Variants in ABCC6 observed in about 807,000 individuals in gnomAD.
ABCC6 encodes the protein ATP binding cassette subfamily C member 6, also known as ATP-binding cassette sub-family C member 6.
A neutral mutation model predicts 169.5 loss-of-function variants in ABCC6; 126 were observed. The observed-to-expected ratio is 0.74, with a 90% CI of 0.64 to 0.86. The LOEUF is 0.86. Ranked by LOEUF, ABCC6 falls within the 40% of genes least tolerant of loss-of-function variation. The pLI is 0.00. For synonymous variants in ABCC6, 752 were observed against 814.7 expected (o/e 0.92, Z 1.31); for missense variants, 1,733 against 1,927.2 (o/e 0.90, Z 1.89).
chr16:16,160,628 CAAAAAAAAAAAAAA>C (rs34511090), intron 25 of ABCC6, among the ~76,000 whole-genome samples: 5 of 76,382 alleles, frequency 6.5e-5, no homozygotes, highest in East Asian at 4.5e-4. Flanking sequence ...CTGTTTCTAC[CAAAAAAAAAAAAAA>C]AAAAAAAAAA....
At chr16:16,209,411 A>C (rs1456989118) in intron 6 of ABCC6, among the ~76,000 whole-genome samples, 1 of 152,058 alleles carries the variant, frequency 6.6e-6, no homozygotes, top group Non-Finnish European at 1.5e-5. Context: ...TAATTGTATA[A>C]ATGTATGAGT....
At chr16:16,185,134 G>A (rs1053718200) in intron 14 of ABCC6, 100 bp from the exon 15 acceptor site, 13 of 1,109,656 alleles carry the variant, frequency 1.2e-5, no homozygotes, top group Non-Finnish European at 1.8e-5. Flanking sequence ...CCCAGGGGCA[G>A]AGGCTGCAGG....
Position 16,154,756 on chromosome 16 carries a change from G to C in ABCC6, c.4080C>G (p.Leu1360=). 1 of 1,612,860 alleles carries C rather than the reference G, an allele frequency of 6.2e-7. No individual in the cohort carries two copies. Among genetic ancestry groups the C allele is most frequent in the Non-Finnish European group, 8.5e-7 (1 of 1,179,594 alleles). Residue 1360 remains leucine, a synonymous_variant, in exon 29 of 31, where the codon CTC becomes CTG. Transcript: ENST00000205557. ...CGTCCGAGTGCTCCTGCAGCAGGTCGAGGTTCATCCGCAGAGAGCCAGGGA... is the reference window on the plus strand; with the variant it reads ...CGTCCGAGTGCTCCTGCAGCAGGTCCAGGTTCATCCGCAGAGAGCCAGGGA... ...ILFPGSLRMN[L]DLLQEHSDEA...
At chr16:16,168,656 G>T (rs567065977) in intron 22 of ABCC6, among the ~76,000 whole-genome samples, 4 of 152,286 alleles carry the variant, frequency 2.6e-5, no homozygotes, top group African/African-American at 9.6e-5. Context: ...AGAGCGCCTC[G>T]TGGTGAGGGG....
chr16:16,178,965 CCT>C lies in ABCC6; in HGVS notation c.2248-2_2248-1del, dbSNP rs111113624. On this transcript the variant is annotated splice_acceptor_variant, in intron 17 of 30. Coordinates refer to ENST00000205557, the MANE Select transcript of ABCC6 (RefSeq NM_001171.6). LOFTEE classifies it high-confidence loss of function. Reference sequence around the variant, plus strand: ...TTCTGGCCTCCGGAGAGATTCATGCCCTGTGGCCACAAAAGGAACAGTGGCCT... The same window carrying C: ...TTCTGGCCTCCGGAGAGATTCATGCCGTGGCCACAAAAGGAACAGTGGCCT... 9.9e-6 allele frequency: 16 copies of C among 1,612,144 alleles called. No homozygotes were observed. The highest frequency in any genetic ancestry group is 1.4e-5 in the Non-Finnish European group (16 of 1,179,976).
intron 7 of ABCC6, among the ~76,000 whole-genome samples, chr16:16,206,395 C>G: frequency 6.6e-6 from 1 of 151,070 alleles, no homozygotes; most frequent in African/African-American, 2.4e-5. Context: ...GAGGCCAATG[C>G]GGGCGAATCA....
At chr16:16,168,900 G>T (rs1218734497) in intron 22 of ABCC6, among the ~76,000 whole-genome samples, 4 of 152,076 alleles carry the variant, frequency 2.6e-5, no homozygotes, top group African/African-American at 9.7e-5. Context: ...GGCCAACATG[G>T]TGAAACCCCA....
chr16:16,188,788 A>G, intron 13 of ABCC6, 43 bp downstream of exon 13: 1 of 1,596,940 alleles, frequency 6.3e-7, no homozygotes, highest in Non-Finnish European at 8.5e-7. Flanking sequence ...GGTGTAGCCC[A>G]CGCACTCTCC....
rs1232092445 is a variant in ABCC6, at chr16:16,182,879, C to T, written c.1995G>A (p.Val665=). Residue 665 remains valine, a synonymous_variant, in exon 16 of 31, where the codon GTG becomes GTA. Coordinates refer to ENST00000205557, the MANE Select transcript of ABCC6 (RefSeq NM_001171.6). ...QGCLLAVVGP[V]GAGKSSLLSA... ...ACAGCAGGGAGGACTTCCCTGCCCC[C>T]ACTGGACCGACAACAGCCAGCAGAC... The T allele has an allele frequency of 6.2e-7, 1 of 1,614,032 alleles. No individual in the cohort carries two copies. The highest frequency in any genetic ancestry group is 1.1e-5 in the South Asian group (1 of 91,062).
chr16:16,161,028 C>T (rs1003649981), intron 25 of ABCC6, among the ~76,000 whole-genome samples: 1 of 152,084 alleles, frequency 6.6e-6, no homozygotes, highest in African/African-American at 2.4e-5. Flanking sequence ...TCGCTTGAAC[C>T]CAGGAGGCAG....
chr16:16,187,066 G>A (rs1427834669), intron 14 of ABCC6, 58 bp downstream of exon 14: 1 of 1,458,744 alleles, frequency 6.9e-7, no homozygotes, highest in Non-Finnish European at 9.5e-7. Flanking sequence ...TTATGGGCTG[G>A]GGTGGCCCCC....
At chr16:16,188,783 A>G (rs2047738932) in intron 13 of ABCC6, 48 bp downstream of exon 13, 1 of 1,591,122 alleles carries the variant, frequency 6.3e-7, no homozygotes, top group Admixed American at 1.8e-5. Flanking sequence ...AGCCAGGTGT[A>G]GCCCACGCAC....
Position 16,157,692 on chromosome 16 carries a change from C to A in ABCC6, c.3853G>T (p.Val1285Leu), listed in dbSNP as rs141731889. 1 of 1,613,952 alleles carries A rather than the reference C, an allele frequency of 6.2e-7. No individual in the cohort carries two copies. Among genetic ancestry groups the A allele is most frequent in the Admixed American group, 1.7e-5 (1 of 60,002 alleles). Reference protein sequence around the residue: ...RPELPLAVQGVSFKIHAGEKV... With the variant: ...RPELPLAVQGLSFKIHAGEKV... ...TCTCCTGCGTGGATCTTGAAGGACA[C>A]GCCCTGCACAGCCAGCGGGAGCTCA... The change falls in exon 27 of 31, where the codon GTG becomes TTG. Residue 1285 changes from valine (V) to leucine (L), a missense_variant. Val to Leu is a conservative substitution (Grantham distance 32, BLOSUM62 1). Transcript: ENST00000205557.
rs916469710 is a variant in ABCC6 at position 16,198,607 on chromosome 16, G to T, written c.1177-425C>A. 4.2e-4 allele frequency among the ~76,000 whole-genome samples: 64 copies of T among 152,032 alleles called. 1 individual carries two copies. The highest frequency in any genetic ancestry group is 1.9e-3 in the Admixed American group (29 of 15,236). ...CCTCTGCCTGTAATCCCGCCACTCT[G>T]GGAGGCTGAGGTGGGAGGATTGCTT... On this transcript the variant is annotated intron_variant, in intron 9 of 30. Coordinates refer to ENST00000205557, the MANE Select transcript of ABCC6 (RefSeq NM_001171.6).
chr16:16,170,539 C>T (rs1225004632), intron 21 of ABCC6, among the ~76,000 whole-genome samples: 2 of 152,132 alleles, frequency 1.3e-5, no homozygotes, highest in Admixed American at 6.6e-5. Flanking sequence ...ATCTGAAGTT[C>T]TCTGCACAGC....
intron 11 of ABCC6, among the ~76,000 whole-genome samples, chr16:16,191,825 C>G (rs369542071): frequency 5.3e-5 from 8 of 151,878 alleles, no homozygotes; most frequent in African/African-American, 1.9e-4. Context: ...TCTTCCCTCC[C>G]TCCTTTCTTC....
rs148733565 is a variant in ABCC6, at chr16:16,161,058, T to C, written c.3633+380A>G. 1.4e-4 allele frequency among the ~76,000 whole-genome samples: 22 copies of C among 152,294 alleles called. No individual in the cohort carries two copies. The East Asian group carries it at 4.1e-3, about 28-fold the overall frequency. ...AGGCAGAGTTCTCAGTGAGCCGAGA[T>C]TGCACCACTGCACTCCAGCCTGAGT... On this transcript the variant is annotated intron_variant, in intron 25 of 30. Coordinates refer to ENST00000205557, the MANE Select transcript of ABCC6 (RefSeq NM_001171.6).
In ABCC6 at chr16:16,201,784, C is replaced by T. The variant is rs187914906; in HGVS notation, c.1176+217G>A. 3.0e-4 allele frequency among the ~76,000 whole-genome samples: 46 copies of T among 152,266 alleles called. No individual in the cohort carries two copies. The South Asian group carries it at 7.7e-3, about 25-fold the overall frequency. On this transcript the variant is annotated intron_variant, in intron 9 of 30. Transcript: ENST00000205557. ...CGGAGGTTGCAGTGAGCCGAGATTG[C>T]ACCACTGCACTCCAGCCTGGGTGAC...
intron 11 of ABCC6, among the ~76,000 whole-genome samples, chr16:16,190,940 G>T (rs377750909): frequency 7.3e-6 from 1 of 137,140 alleles, no homozygotes; most frequent in Non-Finnish European, 1.6e-5. Flanking sequence ...GGGTAGGGGG[G>T]TGGCGGGGGC....
Sources: allele counts gnomAD v4.1 joint callset (sites outside exome capture counted in the v4.1 genomes callset), GRCh38; gene constraint gnomAD v4.1.1; transcripts MANE v1.5; gene names NCBI Gene and HGNC (gene_info 2026-07-23, HGNC 2026-07-21).